Variants in CNTNAP5 observed in about 807,000 individuals in gnomAD.
The protein encoded by CNTNAP5 is contactin-associated protein-like 5.
In CNTNAP5, 72 loss-of-function variants were observed where a neutral mutation model predicts 150.2. The observed-to-expected ratio is 0.48, with a 90% confidence interval of 0.40 to 0.58. CNTNAP5 has a LOEUF of 0.58. Ranked by LOEUF, CNTNAP5 falls within the 20% of genes least tolerant of loss-of-function variation. CNTNAP5 has a pLI of 0.00. For synonymous variants in CNTNAP5, 672 were observed against 619.8 expected (o/e 1.08, Z -1.25); for missense variants, 1,636 against 1,626.2 (o/e 1.01, Z -0.10).
chr2:124,453,314 C>A (rs1284922135), intron 6 of CNTNAP5, among the ~76,000 whole-genome samples: 2 of 151,942 alleles, frequency 1.3e-5, no homozygotes. Flanking sequence ...TTTGAATAAA[C>A]CCAATCCAAC....
chr2:124,028,268 ATGT>A (rs751630582), intron 1 of CNTNAP5, among the ~76,000 whole-genome samples: 22 of 150,898 alleles, frequency 1.5e-4, no homozygotes, highest in Admixed American at 2.7e-4. Flanking sequence ...TTATAATAAT[ATGT>A]TGTTGGTGGT....
At chr2:124,733,992 G>C (rs1680329495) in intron 13 of CNTNAP5, among the ~76,000 whole-genome samples, 1 of 152,244 alleles carries the variant, frequency 6.6e-6, no homozygotes, top group Non-Finnish European at 1.5e-5. Flanking sequence ...CATGTGTGAA[G>C]CCTGAGTAGG....
At chr2:124,739,990 T>A (rs1433532846) in intron 13 of CNTNAP5, among the ~76,000 whole-genome samples, 1 of 151,942 alleles carries the variant, frequency 6.6e-6, no homozygotes, top group African/African-American at 2.4e-5. Context: ...ATCACTCACG[T>A]ATTACACCAT....
chr2:124,401,796 G>A (rs1409020365), intron 3 of CNTNAP5, among the ~76,000 whole-genome samples: 1 of 152,324 alleles, frequency 6.6e-6, no homozygotes, highest in East Asian at 1.9e-4. Context: ...TCATGGGGCA[G>A]TGAGGGTAGC....
chr2:124,913,066 GC>G (rs1398666369), intron 23 of CNTNAP5, among the ~76,000 whole-genome samples: 2 of 151,980 alleles, frequency 1.3e-5, no homozygotes, highest in African/African-American at 4.8e-5. Context: ...TGGAAGACAT[GC>G]AATCCATTTA....
chr2:124,281,708 C>A (rs148087882), intron 3 of CNTNAP5, among the ~76,000 whole-genome samples: 2 of 152,224 alleles, frequency 1.3e-5, no homozygotes, highest in Non-Finnish European at 2.9e-5. Flanking sequence ...GAGAAATGAG[C>A]TTTTGCTTGC....
intron 1 of CNTNAP5, among the ~76,000 whole-genome samples, chr2:124,173,979 C>T (rs1044371529): frequency 1.3e-5 from 2 of 151,990 alleles, no homozygotes; most frequent in African/African-American, 4.8e-5. Context: ...AATTCTAGGG[C>T]CCTTAAGAAG....
At position 124,261,494 on chromosome 2, in the gene CNTNAP5, A is replaced by G. The variant is rs547987029; in HGVS notation, c.381+19101A>G. 3.3e-5 allele frequency among the ~76,000 whole-genome samples: 5 copies of G among 152,304 alleles called. No homozygotes were observed. The South Asian group carries it at 1.0e-3, about 32-fold the overall frequency. On this transcript the variant is annotated intron_variant, in intron 3 of 23. Coordinates refer to ENST00000682447, the MANE Select transcript of CNTNAP5 (RefSeq NM_001367498.1). Reference sequence around the variant, plus strand: ...ATAAAAATATCAATAACGATTGATGATAAGAAGCAGCAGCAGCAGTAGCAT... The same window carrying G: ...ATAAAAATATCAATAACGATTGATGGTAAGAAGCAGCAGCAGCAGTAGCAT...
intron 3 of CNTNAP5, among the ~76,000 whole-genome samples, chr2:124,313,709 G>T (rs1441174649): frequency 6.6e-6 from 1 of 152,170 alleles, no homozygotes; most frequent in East Asian, 1.9e-4. Flanking sequence ...TCATGTCTTT[G>T]TGGCTAATTG....
chr2:124,419,153 A>AAAAAAAAAAACAAAAC (rs1553466542), intron 4 of CNTNAP5, among the ~76,000 whole-genome samples: 6 of 76,404 alleles, frequency 7.9e-5, no homozygotes, highest in African/African-American at 2.9e-4. Context: ...AAAAAAAAAA[A>AAAAAAAAAAACAAAAC]AAAAAAAAAA....
At chr2:124,367,174 A>G (rs1690396671) in intron 3 of CNTNAP5, among the ~76,000 whole-genome samples, 1 of 152,212 alleles carries the variant, frequency 6.6e-6, no homozygotes, top group Admixed American at 6.5e-5. Flanking sequence ...AACAGAGACA[A>G]GCATTTGAAA....
intron 2 of CNTNAP5, among the ~76,000 whole-genome samples, chr2:124,231,478 G>T (rs1686618453): frequency 6.6e-6 from 1 of 152,120 alleles, no homozygotes; most frequent in Non-Finnish European, 1.5e-5. Context: ...TATCTTTATT[G>T]ATGTTGATGT....
At chr2:124,408,823 G>C (rs1691667391) in intron 3 of CNTNAP5, among the ~76,000 whole-genome samples, 2 of 152,156 alleles carry the variant, frequency 1.3e-5, no homozygotes, top group South Asian at 4.1e-4. Flanking sequence ...CTAAAATGCA[G>C]AGCTCCTCTC....
chr2:124,280,966 A>G (rs1296986744), intron 3 of CNTNAP5, among the ~76,000 whole-genome samples: 1 of 152,160 alleles, frequency 6.6e-6, no homozygotes, highest in Non-Finnish European at 1.5e-5. Context: ...ATACCAAGAT[A>G]TTTCTTCTAC....
chr2:124,119,469 T>C (rs1341676507), intron 1 of CNTNAP5, among the ~76,000 whole-genome samples: 5 of 152,116 alleles, frequency 3.3e-5, no homozygotes, highest in African/African-American at 1.2e-4. Context: ...GGGTAAATCT[T>C]GTTCTCACCA....
chr2:124,808,834 A>G (rs964592961), intron 19 of CNTNAP5, among the ~76,000 whole-genome samples: 3 of 152,106 alleles, frequency 2.0e-5, no homozygotes, highest in Admixed American at 6.5e-5. Context: ...TTTAGCATAT[A>G]GAAGTTGAAC....
intron 1 of CNTNAP5, among the ~76,000 whole-genome samples, chr2:124,117,008 C>T (rs1456146165): frequency 6.6e-6 from 1 of 152,216 alleles, no homozygotes; most frequent in Non-Finnish European, 1.5e-5. Flanking sequence ...ATTTCCATAG[C>T]TTTGCCCTTG....
chr2:124,306,333 G>A (rs990654113), intron 3 of CNTNAP5, among the ~76,000 whole-genome samples: 4 of 152,102 alleles, frequency 2.6e-5, no homozygotes, highest in Admixed American at 2.0e-4. Context: ...TTTCCACCTG[G>A]AAGTGAGTTA....
intron 13 of CNTNAP5, among the ~76,000 whole-genome samples, chr2:124,698,424 G>C (rs898462963): frequency 2.1e-5 from 3 of 143,710 alleles, no homozygotes; most frequent in Admixed American, 7.0e-5. Context: ...TTATTTATAT[G>C]TATATATTTA....
Sources: allele counts gnomAD v4.1 joint callset (sites outside exome capture counted in the v4.1 genomes callset), GRCh38; gene constraint gnomAD v4.1.1; transcripts MANE v1.5; gene names NCBI Gene and HGNC (gene_info 2026-07-23, HGNC 2026-07-21).